The following IFT74 variants were observed in gnomAD, a reference collection of about 807,000 sequenced individuals.
IFT74 encodes the protein intraflagellar transport 74, also known as intraflagellar transport protein 74 homolog.
A neutral mutation model predicts 96.7 loss-of-function variants in IFT74; 92 were observed. That is an observed-to-expected ratio of 0.95 (90% CI 0.80 to 1.13). IFT74 has a LOEUF of 1.13. Among genes scored for constraint, IFT74 ranks in the 50% most tolerant of loss-of-function variants. The pLI, the probability that IFT74 is intolerant of heterozygous loss-of-function variation, is 0.00. For synonymous variants in IFT74, 223 were observed against 213.2 expected, an observed-to-expected ratio of 1.05 and a Z score of -0.40; for missense variants, 811 against 698.2, an observed-to-expected ratio of 1.16 and a Z score of -1.82.
intron 13 of IFT74, among the ~76,000 whole-genome samples, chr9:27,040,417 C>T (rs765495018): frequency 1.3e-5 from 2 of 151,886 alleles, no homozygotes; most frequent in Non-Finnish European, 2.9e-5. Flanking sequence ...GGCATGGTGG[C>T]GTGTGCCTGT....
chr9:26,972,350 A>G, intron 2 of IFT74, among the ~76,000 whole-genome samples: 1 of 152,204 alleles, frequency 6.6e-6, no homozygotes, highest in East Asian at 1.9e-4. Flanking sequence ...TTCAACCAAC[A>G]CTGCTCTAGC....
At chr9:26,977,281 C>T (rs917254927) in intron 2 of IFT74, among the ~76,000 whole-genome samples, 1 of 152,016 alleles carries the variant, frequency 6.6e-6, no homozygotes, top group African/African-American at 2.4e-5. Flanking sequence ...GCCCAAACTT[C>T]CAGCCTTTTT....
intron 2 of IFT74, among the ~76,000 whole-genome samples, chr9:26,963,915 C>T (rs1192846468): frequency 4.6e-5 from 7 of 152,122 alleles, no homozygotes; most frequent in South Asian, 4.2e-4. Flanking sequence ...TTGTAGGTTG[C>T]GTGTTCACTC....
intron 8 of IFT74, chr9:26,993,931 T>A (rs1237690508): frequency 6.6e-6 from 1 of 152,260 alleles, no homozygotes; most frequent in Non-Finnish European, 1.5e-5. Context: ...TTTCTCTGCA[T>A]ATGAAGGTAA....
intron 8 of IFT74, among the ~76,000 whole-genome samples, chr9:26,999,373 A>C (rs538996422): frequency 3.3e-5 from 5 of 152,292 alleles, no homozygotes; most frequent in East Asian, 1.9e-4. Flanking sequence ...CTTAAAACTA[A>C]TTTCTGATTT....
intron 8 of IFT74, chr9:26,995,546 A>G (rs1356715231): frequency 6.4e-7 from 1 of 1,568,650 alleles, no homozygotes; most frequent in East Asian, 2.3e-5. Context: ...TAATTCATGG[A>G]TATCTATATA....
intron 3 of IFT74, among the ~76,000 whole-genome samples, chr9:26,980,271 C>T (rs1460385954): frequency 2.6e-5 from 4 of 152,204 alleles, no homozygotes; most frequent in Non-Finnish European, 5.9e-5. Context: ...TTACTCTGGA[C>T]AGCTCTGTTC....
At position 27,056,552 on chromosome 9, in the gene IFT74, C is replaced by T. The variant is rs1295619656; in HGVS notation, c.1623+93C>T. 8.2e-6 allele frequency: 9 copies of T among 1,103,628 alleles called. No homozygotes were observed. The East Asian group carries it at 2.0e-4, about 25-fold the overall frequency. The allele number at this position is 1,103,628 out of a possible 1,614,324, so 68.4% of individuals were successfully genotyped here. On this transcript the variant is annotated intron_variant, in intron 18 of 19. Transcript: ENST00000380062. ...TTTATTTTAAAATTTGCTTTATATACCTTCTAGATTTTCTGACTTTTAAGA... is the reference window on the plus strand; with the variant it reads ...TTTATTTTAAAATTTGCTTTATATATCTTCTAGATTTTCTGACTTTTAAGA...
intron 13 of IFT74, 114 bp downstream of exon 13, chr9:27,029,218 C>A (rs367961135): frequency 1.5e-6 from 1 of 665,102 alleles, no homozygotes; most frequent in Non-Finnish European, 2.4e-6. Flanking sequence ...ATTTAATTCT[C>A]TATGATATTA....
At chr9:26,968,245 G>A (rs1412963674) in intron 2 of IFT74, among the ~76,000 whole-genome samples, 4 of 145,850 alleles carry the variant, frequency 2.7e-5, no homozygotes, top group South Asian at 2.3e-4. Context: ...GCTGGGAGAC[G>A]TTTTTTAAAT....
chr9:27,029,341 G>GTT (rs879769764), intron 13 of IFT74, among the ~76,000 whole-genome samples: 6 of 144,420 alleles, frequency 4.2e-5, no homozygotes, highest in African/African-American at 1.5e-4. Context: ...CAAGCAGTTT[G>GTT]TTTTTTTTTT....
intron 16 of IFT74, among the ~76,000 whole-genome samples, chr9:27,054,599 A>G (rs1820076356): frequency 6.6e-6 from 1 of 152,162 alleles, no homozygotes; most frequent in South Asian, 2.1e-4. Context: ...CATATATTTC[A>G]TATTGTGAAT....
intron 10 of IFT74, among the ~76,000 whole-genome samples, chr9:27,015,858 T>C (rs2131615757): frequency 6.6e-6 from 1 of 152,326 alleles, no homozygotes; most frequent in South Asian, 2.1e-4. Context: ...TAACATGTAG[T>C]ATAGTGCCTG....
At chr9:26,994,750 C>G (rs187660901) in intron 8 of IFT74, 1 of 152,472 alleles carries the variant, frequency 6.6e-6, no homozygotes, top group South Asian at 2.1e-4. Flanking sequence ...CATGAAGATT[C>G]CTTAGTGTCA....
Position 27,064,518 on chromosome 9 carries a change from A to G in IFT74, c.*1782A>G, listed in dbSNP as rs1820550693. ...TTGGTGATTAGGAGCCTTTATGGAT[A>G]TACCCGACTGCTGAAAAACATTCAT... is the stretch of plus-strand genomic sequence containing the variant. On this transcript the variant is annotated 3_prime_UTR_variant, in exon 20 of 20. Transcript: ENST00000380062. Among the ~76,000 whole-genome samples the G allele has an allele frequency of 6.6e-6, 1 of 152,134 alleles. No individual in the cohort carries two copies. The highest frequency in any genetic ancestry group is 6.5e-5 in the Admixed American group (1 of 15,272).
intron 13 of IFT74, among the ~76,000 whole-genome samples, chr9:27,037,220 C>CAAAA (rs11354662): frequency 2.2e-5 from 2 of 91,410 alleles, no homozygotes; most frequent in African/African-American, 4.2e-5. Flanking sequence ...AATCCCATCT[C>CAAAA]AAAAAAAAAA....
chr9:26,966,680 A>T (rs777052499), intron 2 of IFT74, among the ~76,000 whole-genome samples: 1 of 151,796 alleles, frequency 6.6e-6, no homozygotes, highest in Non-Finnish European at 1.5e-5. Context: ...ACTTGATGTG[A>T]TTCTATTTGT....
chr9:26,962,207 T>C, intron 2 of IFT74, 120 bp downstream of exon 2: 3 of 866,380 alleles, frequency 3.5e-6, no homozygotes, highest in Non-Finnish European at 5.3e-6. Flanking sequence ...TTTGAGTTTT[T>C]GAGACTGTCT....
intron 2 of IFT74, chr9:26,976,745 C>T (rs1180049358): frequency 4.4e-6 from 2 of 455,644 alleles, no homozygotes; most frequent in Admixed American, 2.4e-5. Flanking sequence ...GAAGAGAAAC[C>T]TTGCCATATC....
Sources: allele counts gnomAD v4.1 joint callset (sites outside exome capture counted in the v4.1 genomes callset), GRCh38; gene constraint gnomAD v4.1.1; transcripts MANE v1.5; gene names NCBI Gene and HGNC (gene_info 2026-07-23, HGNC 2026-07-21).